The following RIMBP2 variants were observed in gnomAD, a reference collection of about 807,000 sequenced individuals.
The protein encoded by RIMBP2 is RIMS binding protein 2.
In RIMBP2, 48 loss-of-function variants were observed where a neutral mutation model predicts 118.6. The observed-to-expected ratio is 0.40, with a 90% confidence interval of 0.32 to 0.51. The LOEUF is 0.51. Ranked by LOEUF, RIMBP2 falls within the 20% of genes least tolerant of loss-of-function variation. The probability of loss-of-function intolerance (pLI) is 0.41; values close to 1 mark genes in which losing one functional copy is unlikely to be tolerated. For missense variants in RIMBP2, 1,551 were observed against 1,768.3 expected (o/e 0.88, Z 2.20); for synonymous variants, 762 against 742.9 (o/e 1.03, Z -0.42).
intron 4 of RIMBP2, among the ~76,000 whole-genome samples, chr12:130,498,090 T>C (rs28704061): frequency 1.3e-5 from 2 of 149,348 alleles, no homozygotes; most frequent in Non-Finnish European, 2.9e-5. Context: ...CCAGGCCTCC[T>C]GCTGCTCGGT....
At chr12:130,601,165 T>C (rs2059854218) in intron 2 of RIMBP2, among the ~76,000 whole-genome samples, 1 of 152,026 alleles carries the variant, frequency 6.6e-6, no homozygotes, top group Admixed American at 6.5e-5. Context: ...GCTCATTCTC[T>C]GTGTGATTTA....
At chr12:130,444,378 G>A (rs190276096) in intron 10 of RIMBP2, among the ~76,000 whole-genome samples, 55 of 152,254 alleles carry the variant, frequency 3.6e-4, no homozygotes, top group Non-Finnish European at 6.2e-4. Flanking sequence ...AGCACCTGGG[G>A]CTTCCATCAG....
chr12:130,501,178 C>T (rs1566153579), intron 4 of RIMBP2, among the ~76,000 whole-genome samples: 1 of 152,176 alleles, frequency 6.6e-6, no homozygotes, highest in Non-Finnish European at 1.5e-5. Context: ...TTGATTCCAC[C>T]TTGAAGACAC....
At chr12:130,456,847 G>A in intron 6 of RIMBP2, 147 bp from the exon 7 acceptor site, 1 of 628,078 alleles carries the variant, frequency 1.6e-6, no homozygotes, top group Non-Finnish European at 2.8e-6. Flanking sequence ...ATGCATGTGT[G>A]GTTGAGTGTG....
chr12:130,654,273 T>C (rs576148166), intron 1 of RIMBP2, among the ~76,000 whole-genome samples: 1 of 152,366 alleles, frequency 6.6e-6, no homozygotes, highest in African/African-American at 2.4e-5. Context: ...AGGTCCCATC[T>C]TGAATGCTTT....
intron 14 of RIMBP2, chr12:130,429,172 G>C (rs1035097474): frequency 6.6e-6 from 1 of 152,316 alleles, no homozygotes; most frequent in African/African-American, 2.4e-5. Context: ...GCAGACACTG[G>C]CAGACAGCCT....
Position 130,703,545 on chromosome 12 carries a change from G to T in RIMBP2, c.-352+12677C>A, listed in dbSNP as rs571448784. ...CCGGTGCTCAGCTCAGGGCTGAGCC[G>T]CAGTCTGAGGGCCGGGCCCTGGCAT... On this transcript the variant is annotated intron_variant, in intron 1 of 22. Transcript: ENST00000690449. The surrounding 1 kb of genome is among the most constrained non-coding windows in gnomAD (Gnocchi z 5.7). Among the ~76,000 whole-genome samples, 1 of 152,244 alleles carries T rather than the reference G, an allele frequency of 6.6e-6. No individual in the cohort carries two copies. Among genetic ancestry groups the T allele is most frequent in the East Asian group, 1.9e-4 (1 of 5,160 alleles).
intron 2 of RIMBP2, among the ~76,000 whole-genome samples, chr12:130,577,604 G>A (rs1333548077): frequency 6.6e-6 from 1 of 152,038 alleles, no homozygotes; most frequent in Non-Finnish European, 1.5e-5. Flanking sequence ...TAATCCAGTC[G>A]CCTCCCACCA....
Position 130,428,192 on chromosome 12 carries a change from T to C in RIMBP2, c.2399A>G (p.His800Arg). Reference sequence around the variant, plus strand: ...CCAGCCACTCACCTTGAGGGCATTGTGGGACGTGCCGCTGGGCCGCCTCCT... The same window carrying C: ...CCAGCCACTCACCTTGAGGGCATTGCGGGACGTGCCGCTGGGCCGCCTCCT... The part of the protein sequence containing the change: ...GGRRRPSGTS[H>R]NALKDCTDHR... The change falls in exon 15 of 23, where the codon CAC (histidine) becomes CGC (arginine). Residue 800 changes from histidine (H) to arginine (R), a missense_variant. By Grantham distance (29) the His-to-Arg change is conservative. This residue lies in a region of RIMBP2 where 1,038 missense variants were observed against 1,125.1 expected (regional missense o/e 0.92). Coordinates refer to ENST00000690449, the MANE Select transcript of RIMBP2 (RefSeq NM_001393629.1). 6.2e-7 allele frequency: 1 copy of C among 1,610,592 alleles called. No individual in the cohort carries two copies. The highest frequency in any genetic ancestry group is 8.5e-7 in the Non-Finnish European group (1 of 1,178,434).
At chr12:130,460,323 G>A (rs897124645) in intron 6 of RIMBP2, among the ~76,000 whole-genome samples, 6 of 152,178 alleles carry the variant, frequency 3.9e-5, no homozygotes, top group Non-Finnish European at 7.4e-5. Flanking sequence ...GCAAAGCGGC[G>A]CTCGCAGGAG....
chr12:130,447,211 G>A lies in RIMBP2; in HGVS notation c.582-1942C>T, dbSNP rs138390955. Among the ~76,000 whole-genome samples, 1 of 152,132 alleles carries A rather than the reference G, an allele frequency of 6.6e-6. No individual in the cohort carries two copies. The highest frequency in any genetic ancestry group is 1.5e-5 in the Non-Finnish European group (1 of 67,972). On this transcript the variant is annotated intron_variant, in intron 9 of 22. Coordinates refer to ENST00000690449, the MANE Select transcript of RIMBP2 (RefSeq NM_001393629.1). This position sits in a 1 kb window ranked among gnomAD's most constrained non-coding sequence, Gnocchi z 4.4. The stretch of plus-strand genomic sequence containing the variant: ...GAAGACACACCCTGAGAGCTTGAGA[G>A]GGAAGCCGCGGAGGCCAAGAGGGAA...
rs2137993468 is a variant in RIMBP2 at position 130,475,214 on chromosome 12, A to G, written c.102+3698T>C. On this transcript the variant is annotated intron_variant, in intron 5 of 22. Transcript: ENST00000690449. This position sits in a 1 kb window ranked among gnomAD's most constrained non-coding sequence, Gnocchi z 4.1. Reference sequence around the variant, plus strand: ...TTTGTTTATTTCTCCGATTTAACAAATGCTTTCCCTTTCACATGATCTTAC... The same window carrying G: ...TTTGTTTATTTCTCCGATTTAACAAGTGCTTTCCCTTTCACATGATCTTAC... Among the ~76,000 whole-genome samples, 1 of 152,350 alleles carries G rather than the reference A, an allele frequency of 6.6e-6. No individual in the cohort carries two copies. Among genetic ancestry groups the G allele is most frequent in the Admixed American group, 6.5e-5 (1 of 15,312 alleles).
intron 3 of RIMBP2, among the ~76,000 whole-genome samples, 194 bp from the exon 4 acceptor site, chr12:130,506,964 C>T (rs116104240): frequency 0.02 from 3,000 of 152,174 alleles, 116 homozygotes; most frequent in African/African-American, 0.069. Context: ...AATCAGCAGA[C>T]GACCTCCATC....
chr12:130,413,937 T>C (rs1048778198), intron 18 of RIMBP2, among the ~76,000 whole-genome samples, 188 bp downstream of exon 18: 2 of 152,218 alleles, frequency 1.3e-5, no homozygotes, highest in Non-Finnish European at 2.9e-5. Context: ...GGGCAGATGC[T>C]GGAGAAGGCA....
Position 130,683,145 on chromosome 12 carries a change from G to A in RIMBP2, c.-352+33077C>T, listed in dbSNP as rs891051201. On this transcript the variant is annotated intron_variant, in intron 1 of 22. Coordinates refer to ENST00000690449, the MANE Select transcript of RIMBP2 (RefSeq NM_001393629.1). The surrounding 1 kb of genome is among the most constrained non-coding windows in gnomAD (Gnocchi z 4.4). Reference sequence around the variant, plus strand: ...GTAAGGGTAGAGATGAGATCCAGGGGGGTTGGGGTGGACCCTCCATCTGAT... The same window carrying A: ...GTAAGGGTAGAGATGAGATCCAGGGAGGTTGGGGTGGACCCTCCATCTGAT... Among the ~76,000 whole-genome samples, 1 of 152,182 alleles carries A rather than the reference G, an allele frequency of 6.6e-6. No homozygotes were observed. The highest frequency in any genetic ancestry group is 1.5e-5 in the Non-Finnish European group (1 of 68,050).
chr12:130,434,722 G>A lies in RIMBP2; in HGVS notation c.2253+12C>T. On this transcript the variant is annotated intron_variant, in intron 14 of 22. Coordinates refer to ENST00000690449, the MANE Select transcript of RIMBP2 (RefSeq NM_001393629.1). This position sits in a 1 kb window ranked among gnomAD's most constrained non-coding sequence, Gnocchi z 5.7. ...CACCAGGAGGATGGTGTGGGGCCCG[G>A]CCCGCTCTCACCTGCTTGCCAAGTT... 1 of 1,610,402 alleles carries A rather than the reference G, an allele frequency of 6.2e-7. No individual in the cohort carries two copies.
chr12:130,532,695 T>G (rs1405106342), intron 2 of RIMBP2, among the ~76,000 whole-genome samples: 47 of 117,154 alleles, frequency 4.0e-4, no homozygotes, highest in Middle Eastern at 6.3e-3. Flanking sequence ...ATGCGTGTGT[T>G]CAGCCTCTAG....
rs373205142 is a variant in RIMBP2, at chr12:130,636,076, C to T, written c.-351-7620G>A. ...CTCTTGCCACCACCCTCCATTTCCA[C>T]GCTTTATGATGAACTACTCCTTCCA... On this transcript the variant is annotated intron_variant, in intron 1 of 22. Coordinates refer to ENST00000690449, the MANE Select transcript of RIMBP2 (RefSeq NM_001393629.1). 8.5e-5 allele frequency among the ~76,000 whole-genome samples: 13 copies of T among 152,290 alleles called. No individual in the cohort carries two copies. The East Asian group carries it at 1.4e-3, about 16-fold the overall frequency.
At chr12:130,598,855 A>T (rs2059707334) in intron 2 of RIMBP2, among the ~76,000 whole-genome samples, 2 of 152,128 alleles carry the variant, frequency 1.3e-5, no homozygotes, top group Non-Finnish European at 2.9e-5. Flanking sequence ...CCATAAATAG[A>T]CCCACAAATG....
Sources: allele counts gnomAD v4.1 joint callset (sites outside exome capture counted in the v4.1 genomes callset), GRCh38; gene constraint gnomAD v4.1.1; regional missense constraint gnomAD v4.1.1; non-coding constraint Gnocchi (gnomAD v3.1); transcripts MANE v1.5; gene names NCBI Gene and HGNC (gene_info 2026-07-23, HGNC 2026-07-21).